The following MYRIP variants were observed in gnomAD, a reference collection of about 807,000 sequenced individuals.
MYRIP encodes the protein rab effector MyRIP.
A neutral mutation model predicts 98.0 loss-of-function variants in MYRIP; 49 were observed. The observed-to-expected ratio is 0.50, with a 90% CI of 0.40 to 0.63. The LOEUF (loss-of-function observed/expected upper bound fraction) is 0.63. Among genes scored for constraint, MYRIP ranks in the 30% least tolerant of loss-of-function variants. MYRIP has a pLI of 0.00. For missense variants in MYRIP, 1,004 were observed against 1,058.2 expected (o/e 0.95, Z 0.71); for synonymous variants, 404 against 409.5 (o/e 0.99, Z 0.16).
chr3:40,166,499 G>A (rs1253032823), intron 5 of MYRIP, among the ~76,000 whole-genome samples: 1 of 151,540 alleles, frequency 6.6e-6, no homozygotes, highest in East Asian at 1.9e-4. Context: ...CTCCAGCCAA[G>A]GGCGGGGCTG....
chr3:40,223,540 A>C (rs1459564824), intron 11 of MYRIP, among the ~76,000 whole-genome samples: 3 of 152,202 alleles, frequency 2.0e-5, no homozygotes, highest in Admixed American at 2.0e-4. Context: ...TGGGAGGGGA[A>C]TAGGGATGTA....
At chr3:39,960,392 T>G (rs1469806931) in intron 2 of MYRIP, among the ~76,000 whole-genome samples, 1 of 152,176 alleles carries the variant, frequency 6.6e-6, no homozygotes, top group Non-Finnish European at 1.5e-5. Flanking sequence ...AAACAATTGT[T>G]TAATTTTACT....
intron 3 of MYRIP, among the ~76,000 whole-genome samples, chr3:40,070,414 C>A (rs1948200235): frequency 6.6e-6 from 1 of 152,182 alleles, no homozygotes; most frequent in African/African-American, 2.4e-5. Context: ...TTTATACAGT[C>A]ATTTAACAAT....
chr3:40,120,056 G>A (rs1415851747), intron 3 of MYRIP, among the ~76,000 whole-genome samples: 4 of 152,144 alleles, frequency 2.6e-5, no homozygotes, highest in Non-Finnish European at 4.4e-5. Flanking sequence ...AGGACTAAAA[G>A]GACCCAGCTC....
intron 2 of MYRIP, among the ~76,000 whole-genome samples, chr3:39,926,706 G>T (rs564771146): frequency 6.6e-6 from 1 of 152,038 alleles, no homozygotes; most frequent in Admixed American, 6.6e-5. Flanking sequence ...GTCTATTTTT[G>T]TACCACTACT....
chr3:40,222,988 T>G (rs1553630166), intron 11 of MYRIP, among the ~76,000 whole-genome samples: 1 of 152,136 alleles, frequency 6.6e-6, no homozygotes, highest in Non-Finnish European at 1.5e-5. Context: ...TGAACTAAAA[T>G]CTACATATGA....
rs541456614 is a variant in MYRIP, at chr3:39,998,640, G to C, written c.111-45410G>C. Among the ~76,000 whole-genome samples the C allele has an allele frequency of 3.3e-5, 5 of 152,024 alleles. No individual in the cohort carries two copies. In the South Asian group the frequency reaches 1.0e-3, roughly 32 times the overall value. Reference sequence around the variant, plus strand: ...ACAGATTCAATGCCATCCCCATCAAGCTACCAATGACTTTCTTCACAGAAT... The same window carrying C: ...ACAGATTCAATGCCATCCCCATCAACCTACCAATGACTTTCTTCACAGAAT... On this transcript the variant is annotated intron_variant, in intron 2 of 16. Transcript: ENST00000302541.
chr3:39,906,551 G>T (rs1188166265), intron 2 of MYRIP, among the ~76,000 whole-genome samples: 1 of 152,146 alleles, frequency 6.6e-6, no homozygotes, highest in Admixed American at 6.5e-5. Context: ...TAGCAGTTAT[G>T]CTTTCCCAGT....
intron 1 of MYRIP, among the ~76,000 whole-genome samples, chr3:39,870,024 A>G (rs1356248697): frequency 6.6e-6 from 1 of 152,102 alleles, no homozygotes; most frequent in Non-Finnish European, 1.5e-5. Context: ...AATGCCAAGG[A>G]GAGAGGCCTG....
At chr3:40,040,220 AT>A (rs1206560740) in intron 2 of MYRIP, among the ~76,000 whole-genome samples, 2 of 152,122 alleles carry the variant, frequency 1.3e-5, no homozygotes, top group African/African-American at 4.8e-5. Flanking sequence ...CAAAAAACAC[AT>A]GAAGAAATGC....
intron 3 of MYRIP, among the ~76,000 whole-genome samples, chr3:40,104,041 C>T (rs1949004128): frequency 6.6e-6 from 1 of 152,148 alleles, no homozygotes; most frequent in Non-Finnish European, 1.5e-5. Flanking sequence ...GCCTTGTGCA[C>T]ATCTTTGCAC....
rs375145787 is a variant in MYRIP, at chr3:39,889,771, C to G, written c.-30-11016C>G. On this transcript the variant is annotated intron_variant, in intron 1 of 16. Transcript: ENST00000302541. ...ATTTAAAATTTATGTTGAATTTATT[C>G]AGTGTTTTTAATGACTTCTGAATTT... is the stretch of plus-strand genomic sequence containing the variant. 7.9e-5 allele frequency among the ~76,000 whole-genome samples: 12 copies of G among 152,078 alleles called. No individual in the cohort carries two copies. In the East Asian group the frequency reaches 2.1e-3, roughly 27 times the overall value.
chr3:39,988,621 A>G (rs770436292), intron 2 of MYRIP, among the ~76,000 whole-genome samples: 50 of 149,832 alleles, frequency 3.3e-4, no homozygotes, highest in Non-Finnish European at 5.3e-4. Context: ...GCTCGGTTCC[A>G]TTCTCTCTGT....
intron 3 of MYRIP, among the ~76,000 whole-genome samples, chr3:40,105,358 T>C (rs1243295484): frequency 6.6e-6 from 1 of 152,206 alleles, no homozygotes; most frequent in Non-Finnish European, 1.5e-5. Flanking sequence ...TATAAAGAAA[T>C]AGCTGAGACT....
At chr3:40,157,208 T>C in intron 4 of MYRIP, among the ~76,000 whole-genome samples, 1 of 148,972 alleles carries the variant, frequency 6.7e-6, no homozygotes, top group East Asian at 1.9e-4. Context: ...GCATGAAGCG[T>C]TGTTGAATTT....
chr3:40,066,014 A>T (rs779257977), intron 3 of MYRIP, among the ~76,000 whole-genome samples: 8 of 152,146 alleles, frequency 5.3e-5, no homozygotes, highest in Non-Finnish European at 1.0e-4. Context: ...TCCTGCCATG[A>T]ACTCTAGGAA....
intron 3 of MYRIP, among the ~76,000 whole-genome samples, chr3:40,051,958 A>G (rs533842663): frequency 2.6e-5 from 4 of 152,226 alleles, no homozygotes; most frequent in African/African-American, 9.6e-5. Flanking sequence ...TGATACCTGT[A>G]TATAATGTGT....
At chr3:40,100,163 C>T (rs1234947487) in intron 3 of MYRIP, 1 of 985,304 alleles carries the variant, frequency 1.0e-6, no homozygotes, top group Admixed American at 6.1e-5. Context: ...GAGCTCTGTG[C>T]CCTGTGTCCT....
intron 2 of MYRIP, among the ~76,000 whole-genome samples, chr3:39,987,912 A>C (rs554833318): frequency 6.6e-6 from 1 of 152,226 alleles, no homozygotes; most frequent in African/African-American, 2.4e-5. Context: ...AACCAAGCCA[A>C]ATGTCCAACA....
Sources: gnomAD v4.1 joint callset for allele counts (sites outside exome capture counted in the v4.1 genomes callset) on GRCh38, gnomAD v4.1.1 for gene constraint, MANE v1.5 for transcripts, NCBI Gene and HGNC (gene_info 2026-07-23, HGNC 2026-07-21) for gene names.